SAMD12: variants seen among roughly 807,000 people sequenced by gnomAD.
SAMD12 encodes the protein sterile alpha motif domain-containing protein 12.
In SAMD12, 9 loss-of-function variants were observed where a neutral mutation model predicts 15.0. The observed-to-expected ratio is 0.60, with a 90% CI of 0.36 to 1.05. The LOEUF is 1.05. Ranked by LOEUF, SAMD12 falls within the 50% of genes least tolerant of loss-of-function variation. The pLI, the probability that SAMD12 is intolerant of heterozygous loss-of-function variation, is 0.01. For synonymous variants in SAMD12, 86 were observed against 90.1 expected, an observed-to-expected ratio of 0.96 and a Z score of 0.25; for missense variants, 230 against 234.2, an observed-to-expected ratio of 0.98 and a Z score of 0.12.
the SAMD12 span, among the ~76,000 whole-genome samples, chr8:118,143,745 A>G: frequency 2.6e-5 from 4 of 152,212 alleles, no homozygotes; most frequent in African/African-American, 9.6e-5. Context: ...GAAAAAATGT[A>G]GAGTCCAGAA....
intron 2 of SAMD12, among the ~76,000 whole-genome samples, chr8:118,469,705 G>C (rs1241820344): frequency 6.8e-6 from 1 of 146,512 alleles, no homozygotes; most frequent in Non-Finnish European, 1.5e-5. Flanking sequence ...TGGGATTATA[G>C]GCGCGTGCCA....
rs139294684 is a variant in SAMD12, at chr8:118,218,429, A to G, written c.434-20697T>C. On this transcript the variant is annotated intron_variant, in intron 4 of 4. Transcript: ENST00000409003. ...ATTCTTTTATACATTTTGGATATGC[A>G]ACCATCTATTATTAACTATAATCAC... is the stretch of plus-strand genomic sequence containing the variant. 2.9e-3 allele frequency among the ~76,000 whole-genome samples: 449 copies of G among 152,218 alleles called. 11 individuals carry two copies. The South Asian group carries it at 0.049, about 17-fold the overall frequency.
intron 4 of SAMD12, among the ~76,000 whole-genome samples, chr8:118,365,866 G>A (rs1333844045): frequency 2.6e-5 from 4 of 151,948 alleles, no homozygotes; most frequent in African/African-American, 9.7e-5. Flanking sequence ...TCAGCTTCCT[G>A]AAGGAGATTT....
In SAMD12 at chr8:118,210,493, T is replaced by C; in HGVS notation, c.434-12761A>G. Among the ~76,000 whole-genome samples, 2 of 152,222 alleles carry C rather than the reference T, an allele frequency of 1.3e-5. 1 individual carries two copies. The highest frequency in any genetic ancestry group is 2.9e-5 in the Non-Finnish European group (2 of 68,048). ...AGGAGGAAGACAAATCCCAGATACA[T>C]TTACTAATGAGAAGCTACCTATACC... On this transcript the variant is annotated intron_variant, in intron 4 of 4. Coordinates refer to the SAMD12 transcript ENST00000409003.
intron 1 of SAMD12, among the ~76,000 whole-genome samples, chr8:118,608,048 C>A (rs187419602): frequency 1.3e-5 from 2 of 152,144 alleles, no homozygotes; most frequent in East Asian, 3.9e-4. Flanking sequence ...ATATTTACAA[C>A]CCCTTTGACC....
chr8:118,512,765 C>G (rs1248630210), intron 2 of SAMD12, among the ~76,000 whole-genome samples: 2 of 152,194 alleles, frequency 1.3e-5, no homozygotes, highest in African/African-American at 4.8e-5. Context: ...TTGCTCATGT[C>G]ATTCTTTTGG....
intron 4 of SAMD12, among the ~76,000 whole-genome samples, chr8:118,226,744 G>C (rs967137140): frequency 6.6e-6 from 1 of 152,184 alleles, no homozygotes; most frequent in Non-Finnish European, 1.5e-5. Context: ...ACTGAGATAG[G>C]AGCAAAGTTC....
At chr8:118,605,906 CA>C (rs1827976809) in intron 1 of SAMD12, among the ~76,000 whole-genome samples, 1 of 151,034 alleles carries the variant, frequency 6.6e-6, no homozygotes, top group African/African-American at 2.4e-5. Context: ...CTGCTAATAT[CA>C]GTGAGTGCCT....
rs1822949271 is a variant in SAMD12, at chr8:118,447,488, A to G, written c.193-7527T>C. Among the ~76,000 whole-genome samples the G allele has an allele frequency of 3.3e-5, 5 of 151,848 alleles. No individual in the cohort carries two copies. The South Asian group carries it at 8.3e-4, about 25-fold the overall frequency. ...CAGCTAACTTTTTTGCATTATTAGT[A>G]GAGATGGGGTTTCACCATGTTGGCC... is the stretch of plus-strand genomic sequence containing the variant. On this transcript the variant is annotated intron_variant, in intron 2 of 3. Transcript: ENST00000314727.
chr8:118,251,158 G>A (rs1812811454), intron 4 of SAMD12, among the ~76,000 whole-genome samples: 1 of 152,084 alleles, frequency 6.6e-6, no homozygotes, highest in South Asian at 2.1e-4. Context: ...AGTGGTCGTG[G>A]GTGAGGAGCA....
At chr8:118,616,169 G>A (rs369708272) in intron 1 of SAMD12, among the ~76,000 whole-genome samples, 3 of 152,210 alleles carry the variant, frequency 2.0e-5, no homozygotes, top group East Asian at 3.9e-4. Context: ...CAATGAAGCT[G>A]CTGCAGGGAT....
At chr8:118,569,273 T>C (rs537551075) in intron 2 of SAMD12, among the ~76,000 whole-genome samples, 1 of 152,280 alleles carries the variant, frequency 6.6e-6, no homozygotes, top group Admixed American at 6.5e-5. Context: ...CACAAAATTA[T>C]TTAAAATATT....
chr8:118,590,734 T>A (rs1032881608), intron 1 of SAMD12, among the ~76,000 whole-genome samples: 1 of 152,080 alleles, frequency 6.6e-6, no homozygotes, highest in Admixed American at 6.6e-5. Flanking sequence ...CAGGTTTCAA[T>A]AGAAAATCAC....
intron 4 of SAMD12, among the ~76,000 whole-genome samples, chr8:118,350,695 T>A (rs1156779104): frequency 6.6e-6 from 1 of 152,216 alleles, no homozygotes; most frequent in Non-Finnish European, 1.5e-5. Context: ...ACTACCTATA[T>A]ATCTTTATTT....
At chr8:118,320,819 A>AT (rs1388030164) in intron 4 of SAMD12, among the ~76,000 whole-genome samples, 26 of 147,186 alleles carry the variant, frequency 1.8e-4, no homozygotes, top group Admixed American at 6.7e-4. Flanking sequence ...AGTATAATAA[A>AT]AATATATATA....
intron 3 of SAMD12, among the ~76,000 whole-genome samples, chr8:118,414,124 G>C (rs1242042013): frequency 1.3e-5 from 2 of 152,164 alleles, no homozygotes; most frequent in Non-Finnish European, 2.9e-5. Flanking sequence ...CAGGTGTTTG[G>C]TTAACGCATG....
the SAMD12 span, among the ~76,000 whole-genome samples, chr8:118,146,307 T>C: frequency 6.6e-6 from 1 of 152,186 alleles, no homozygotes; most frequent in Non-Finnish European, 1.5e-5. Flanking sequence ...ATGATTTTAG[T>C]ATCACATTGC....
At chr8:118,361,065 C>T (rs1242940263) in intron 4 of SAMD12, among the ~76,000 whole-genome samples, 3 of 152,204 alleles carry the variant, frequency 2.0e-5, no homozygotes, top group Non-Finnish European at 4.4e-5. Flanking sequence ...CACCTCACAA[C>T]TACCCCCTGC....
chr8:118,398,470 G>T (rs976908376), intron 3 of SAMD12, among the ~76,000 whole-genome samples: 1 of 152,098 alleles, frequency 6.6e-6, no homozygotes, highest in East Asian at 1.9e-4. Flanking sequence ...AATGACAGAA[G>T]AATTCTGGAT....
Sources: gnomAD v4.1 joint callset for allele counts (sites outside exome capture counted in the v4.1 genomes callset) on GRCh38, gnomAD v4.1.1 for gene constraint, MANE v1.5 for transcripts, NCBI Gene and HGNC (gene_info 2026-07-23, HGNC 2026-07-21) for gene names.